The following CUX1 variants were observed in gnomAD, a reference collection of about 807,000 sequenced individuals.
CUX1 encodes cut like homeobox 1.
CUX1 carries 31 observed loss-of-function variants against 158.8 expected under a neutral mutation model. The observed-to-expected ratio is 0.20, with a 90% CI of 0.15 to 0.26. The LOEUF (loss-of-function observed/expected upper bound fraction) is 0.26. Among genes scored for constraint, CUX1 ranks in the 10% least tolerant of loss-of-function variants. The pLI is 1.00. For synonymous variants in CUX1, 879 were observed against 862.1 expected (o/e 1.02, Z -0.34); for missense variants, 1,589 against 2,014.6 (o/e 0.79, Z 4.04).
At chr7:102,213,214 A>G (rs1796724527) in intron 20 of CUX1, among the ~76,000 whole-genome samples, 1 of 152,222 alleles carries the variant, frequency 6.6e-6, no homozygotes, top group Non-Finnish European at 1.5e-5. Flanking sequence ...TCCCTTGCAG[A>G]TGGTGCAGGG....
Position 102,111,583 on chromosome 7 carries a change from G to A in CUX1, c.531-115G>A, listed in dbSNP as rs1585725563. ...CGTGTCGTTGCGGGCGATACCCCGT[G>A]GTGCGCCTGCCGCCAGCTGAGCGCA... On this transcript the variant is annotated intron_variant, in intron 6 of 23. Coordinates refer to ENST00000292535, the MANE Select transcript of CUX1 (RefSeq NM_181552.4). 3 of 895,912 alleles carry A rather than the reference G, an allele frequency of 3.3e-6. No homozygotes were observed. In the East Asian group the frequency reaches 7.5e-5, roughly 22 times the overall value. 55.5% of individuals were successfully genotyped at this position (895,912 alleles called of 1,614,324 possible).
At chr7:102,176,245 C>T (rs1357825244) in intron 10 of CUX1, among the ~76,000 whole-genome samples, 2 of 152,332 alleles carry the variant, frequency 1.3e-5, no homozygotes, top group African/African-American at 4.8e-5. Context: ...TGAATGCCTG[C>T]CTGTCCCCAA....
chr7:102,261,981 G>C (rs1412671210), downstream of CUX1, among the ~76,000 whole-genome samples: 1 of 152,160 alleles, frequency 6.6e-6, no homozygotes, highest in Non-Finnish European at 1.5e-5. Flanking sequence ...CGCCGGATGT[G>C]CTGGCACATG....
intron 8 of CUX1, among the ~76,000 whole-genome samples, chr7:102,144,429 A>G (rs531671037): frequency 2.0e-5 from 3 of 151,990 alleles, no homozygotes; most frequent in Admixed American, 1.3e-4. Flanking sequence ...ACTTGAAGCT[A>G]CTCCCAGAAT....
intron 1 of CUX1, among the ~76,000 whole-genome samples, chr7:101,868,946 G>A (rs926811192): frequency 1.3e-5 from 2 of 152,174 alleles, no homozygotes; most frequent in Non-Finnish European, 1.5e-5. Flanking sequence ...AAACCTGGGC[G>A]AGAACAGGAG....
At chr7:102,194,299 T>G (rs1007726675) in intron 13 of CUX1, 1 of 170,476 alleles carries the variant, frequency 5.9e-6, no homozygotes, top group Non-Finnish European at 1.2e-5. Flanking sequence ...AAAAACAATT[T>G]CAGATTGTGT....
intron 3 of CUX1, among the ~76,000 whole-genome samples, chr7:102,028,924 TAAGG>T (rs908525407): frequency 4.6e-5 from 7 of 150,678 alleles, no homozygotes; most frequent in South Asian, 2.1e-4. Context: ...AGCAGGCTGA[TAAGG>T]AAAGGAAACG....
intron 1 of CUX1, among the ~76,000 whole-genome samples, chr7:101,823,708 A>AT (rs1182414620): frequency 2.0e-5 from 3 of 152,188 alleles, no homozygotes; most frequent in Admixed American, 6.5e-5. Context: ...TGCAGTTAAC[A>AT]TTTTTTTAAC....
chr7:102,017,145 A>G (rs570481437), intron 2 of CUX1, among the ~76,000 whole-genome samples: 1 of 152,068 alleles, frequency 6.6e-6, no homozygotes, highest in Non-Finnish European at 1.5e-5. Flanking sequence ...CTCTACTAAA[A>G]ATGCAAAAAT....
chr7:102,250,691 G>T lies in CUX1; in HGVS notation c.*1649G>T. 1 of 985,310 alleles carries T rather than the reference G, an allele frequency of 1.0e-6. No individual in the cohort carries two copies. Among genetic ancestry groups the T allele is most frequent in the Non-Finnish European group, 1.2e-6 (1 of 829,914 alleles). 61.0% of individuals were successfully genotyped at this position (985,310 alleles called of 1,614,324 possible). On this transcript the variant is annotated 3_prime_UTR_variant, in exon 24 of 24. Transcript: ENST00000292535. ...AGTTCTTTTTATGCACAGTTTTAGG[G>T]CAGTCTAAGTACAAACTGAAAGTCT...
chr7:101,870,516 AG>A (rs1448458146), intron 1 of CUX1, among the ~76,000 whole-genome samples: 2 of 152,152 alleles, frequency 1.3e-5, no homozygotes, highest in Non-Finnish European at 2.9e-5. Context: ...GGCTCAAAGC[AG>A]GGCATTCTTT....
intron 2 of CUX1, among the ~76,000 whole-genome samples, chr7:101,937,636 G>A (rs1425513221): frequency 1.3e-5 from 2 of 151,694 alleles, no homozygotes; most frequent in Admixed American, 6.6e-5. Flanking sequence ...TTAGCCTCCC[G>A]AGTAGCTGGG....
chr7:101,925,261 A>T (rs13241958), intron 2 of CUX1, among the ~76,000 whole-genome samples: 1 of 151,952 alleles, frequency 6.6e-6, no homozygotes, highest in Non-Finnish European at 1.5e-5. Flanking sequence ...GGCATGTGCC[A>T]CTGTGCCCAG....
At chr7:101,907,492 G>A (rs2131820585) in intron 1 of CUX1, among the ~76,000 whole-genome samples, 1 of 152,218 alleles carries the variant, frequency 6.6e-6, no homozygotes, top group Middle Eastern at 3.4e-3. Context: ...GGGATTACAG[G>A]TGTACGTCAC....
chr7:102,024,883 T>C (rs1316037379), intron 2 of CUX1, among the ~76,000 whole-genome samples: 1 of 152,170 alleles, frequency 6.6e-6, no homozygotes, highest in Non-Finnish European at 1.5e-5. Flanking sequence ...CAACCTGCCA[T>C]GCGCCGAGTG....
At chr7:102,017,575 G>A (rs1017127311) in intron 2 of CUX1, among the ~76,000 whole-genome samples, 17 of 152,132 alleles carry the variant, frequency 1.1e-4, no homozygotes, top group East Asian at 1.9e-4. Flanking sequence ...GGGCCAGTGC[G>A]GTGGCTCACG....
chr7:101,945,659 A>G (rs1201791429), intron 2 of CUX1, among the ~76,000 whole-genome samples: 1 of 152,192 alleles, frequency 6.6e-6, no homozygotes. Flanking sequence ...ACTGTGGGGA[A>G]GACCTGGATG....
intron 22 of CUX1, 43 bp from the exon 23 acceptor site, chr7:102,239,277 C>T (rs782765370): frequency 1.9e-5 from 29 of 1,564,888 alleles, no homozygotes; most frequent in African/African-American, 4.1e-5. Flanking sequence ...GGGCTGCTGT[C>T]CCAGCTGGGC....
chr7:102,131,595 A>G (rs997088830), intron 8 of CUX1, among the ~76,000 whole-genome samples: 1 of 151,972 alleles, frequency 6.6e-6, no homozygotes, highest in Non-Finnish European at 1.5e-5. Flanking sequence ...CCAACTATGT[A>G]GAAGCCAGTA....
Sources: allele counts gnomAD v4.1 joint callset (sites outside exome capture counted in the v4.1 genomes callset), GRCh38; gene constraint gnomAD v4.1.1; transcripts MANE v1.5; gene names NCBI Gene and HGNC (gene_info 2026-07-23, HGNC 2026-07-21).